Variants in ARFGAP3 observed in about 807,000 individuals in gnomAD.
ARFGAP3 encodes ARF GTPase activating protein 3.
Under a neutral mutation model 75.0 loss-of-function variants are expected in ARFGAP3, and 72 were observed. The observed-to-expected ratio is 0.96, with a 90% CI of 0.79 to 1.17. The LOEUF (loss-of-function observed/expected upper bound fraction) is 1.17, where lower values mean the gene tolerates loss of function less well. Ranked by LOEUF, ARFGAP3 falls within the 50% of genes most tolerant of loss-of-function variation. The probability of loss-of-function intolerance (pLI) is 0.00; values close to 1 mark genes in which losing one functional copy is unlikely to be tolerated. For synonymous variants in ARFGAP3, 221 were observed against 217.9 expected, an observed-to-expected ratio of 1.01 and a Z score of -0.13; for missense variants, 620 against 626.6, an observed-to-expected ratio of 0.99 and a Z score of 0.11.
chr22:42,797,604 T>A lies in ARFGAP3; in HGVS notation c.1535A>T (p.Asp512Val). Reference protein sequence around the residue: ...FANGVVTSIQDRYGS With the variant: ...FANGVVTSIQVRYGS ...ACTTCAGTATTAAGAACCGTAGCGATCCTGAAGAGAGAACCAAAATGGAAG... is the reference window on the plus strand; with the variant it reads ...ACTTCAGTATTAAGAACCGTAGCGAACCTGAAGAGAGAACCAAAATGGAAG... The change falls in exon 16 of 16, where the codon GAT becomes GTT. Residue 512 changes from aspartate (D) to valine (V), a missense_variant and splice_region_variant. Asp to Val is a radical substitution (Grantham distance 152). Transcript: ENST00000263245. 1 of 1,614,062 alleles carries A rather than the reference T, an allele frequency of 6.2e-7. No individual in the cohort carries two copies. Among genetic ancestry groups the A allele is most frequent in the Non-Finnish European group, 8.5e-7 (1 of 1,179,964 alleles).
At chr22:42,848,394 G>A (rs1007701211) in intron 1 of ARFGAP3, among the ~76,000 whole-genome samples, 4 of 152,126 alleles carry the variant, frequency 2.6e-5, no homozygotes, top group Admixed American at 1.3e-4. Context: ...ATATTTAGTA[G>A]AGATGGGGTT....
rs541135255 is a variant in ARFGAP3, at chr22:42,826,221, C to G, written c.625+719G>C. Among the ~76,000 whole-genome samples, 3 of 152,178 alleles carry G rather than the reference C, an allele frequency of 2.0e-5. No homozygotes were observed. The East Asian group carries it at 5.8e-4, about 29-fold the overall frequency. On this transcript the variant is annotated intron_variant, in intron 7 of 15. Transcript: ENST00000263245. Reference sequence around the variant, plus strand: ...ATAATGAAAAATTTAAGATTAAGTTCACCTATAATAAAATCAGAAAGAGAA... The same window carrying G: ...ATAATGAAAAATTTAAGATTAAGTTGACCTATAATAAAATCAGAAAGAGAA...
chr22:42,830,766 T>G (rs900864686), intron 6 of ARFGAP3, among the ~76,000 whole-genome samples: 3 of 152,216 alleles, frequency 2.0e-5, no homozygotes, highest in Admixed American at 1.3e-4. Context: ...TAAATTGAAA[T>G]TTTGTTTTTG....
chr22:42,853,220 T>A (rs1927357334), intron 1 of ARFGAP3, among the ~76,000 whole-genome samples: 1 of 152,230 alleles, frequency 6.6e-6, no homozygotes, highest in Admixed American at 6.5e-5. Context: ...TGTGCCCAAG[T>A]TAGAATTATA....
At chr22:42,814,301 T>G (rs919106612) in intron 11 of ARFGAP3, among the ~76,000 whole-genome samples, 1 of 152,276 alleles carries the variant, frequency 6.6e-6, no homozygotes, top group East Asian at 1.9e-4. Flanking sequence ...TCAGAGTCCA[T>G]GTTTATTTTA....
chr22:42,854,156 A>G (rs1927398444), intron 1 of ARFGAP3, among the ~76,000 whole-genome samples: 1 of 152,202 alleles, frequency 6.6e-6, no homozygotes, highest in Non-Finnish European at 1.5e-5. Context: ...TCATCTGTCC[A>G]CTAGACTATA....
chr22:42,799,556 C>T (rs563431383), intron 14 of ARFGAP3, among the ~76,000 whole-genome samples: 2 of 152,320 alleles, frequency 1.3e-5, no homozygotes, highest in South Asian at 2.1e-4. Flanking sequence ...ATCACCTCCT[C>T]CCTCTTTTGG....
At chr22:42,809,095 C>CG (rs1925253010) in intron 12 of ARFGAP3, 1 of 275,920 alleles carries the variant, frequency 3.6e-6, no homozygotes, top group Admixed American at 6.5e-5. Flanking sequence ...CTGTTTAAAA[C>CG]GGGGTCTGTT....
In ARFGAP3 at chr22:42,806,947, T is replaced by C. The variant is rs914272144; in HGVS notation, c.1411+126A>G. 49 of 957,008 alleles carry C rather than the reference T, an allele frequency of 5.1e-5. 1 individual carries two copies. In the South Asian group the frequency reaches 9.0e-4, roughly 17 times the overall value. The allele number at this position is 957,008 out of a possible 1,614,324, so 59.3% of individuals were successfully genotyped here. A position where few individuals can be genotyped will look rare whatever the true frequency, so the allele number is the denominator to read the frequency against. On this transcript the variant is annotated intron_variant, in intron 14 of 15. Transcript: ENST00000263245. ...AGTAACTTCTGCTCTACCTGACTTA[T>C]AGCAGAGATCAGAGCATCGAATAAT...
At chr22:42,843,415 C>T (rs1926872718) in intron 2 of ARFGAP3, among the ~76,000 whole-genome samples, 1 of 151,998 alleles carries the variant, frequency 6.6e-6, no homozygotes, top group African/African-American at 2.4e-5. Context: ...TTTTTGTTGT[C>T]GTAGAGATGA....
At chr22:42,849,986 G>T (rs754617944) in intron 1 of ARFGAP3, among the ~76,000 whole-genome samples, 13 of 152,060 alleles carry the variant, frequency 8.5e-5, no homozygotes, top group Non-Finnish European at 1.6e-4. Flanking sequence ...GCTTACCCAT[G>T]GTAAGCATTC....
intron 11 of ARFGAP3, among the ~76,000 whole-genome samples, chr22:42,816,801 G>C (rs1340796156): frequency 6.6e-6 from 1 of 152,190 alleles, no homozygotes; most frequent in Non-Finnish European, 1.5e-5. Flanking sequence ...CCCTGAGAAA[G>C]AGCTGTGAAA....
chr22:42,797,648 C>T (rs1206758843), intron 15 of ARFGAP3, 43 bp from the exon 16 acceptor site: 5 of 1,613,906 alleles, frequency 3.1e-6, no homozygotes, highest in African/African-American at 1.3e-5. Context: ...CATTCAGCAG[C>T]GATCCCTGAC....
chr22:42,855,856 C>T (rs1410343713), intron 1 of ARFGAP3, among the ~76,000 whole-genome samples: 1 of 137,050 alleles, frequency 7.3e-6, no homozygotes. Context: ...CCTGTCTCTA[C>T]AAAAATTAAT....
In ARFGAP3 at chr22:42,817,622, T is replaced by C. The variant is rs1181048464; in HGVS notation, c.941+107A>G. The C allele has an allele frequency of 3.2e-6, 3 of 943,054 alleles. No individual in the cohort carries two copies. The Admixed American group carries it at 8.2e-5, about 26-fold the overall frequency. The allele number at this position is 943,054 out of a possible 1,614,324, so 58.4% of individuals were successfully genotyped here. A position where few individuals can be genotyped will look rare whatever the true frequency, so the allele number is the denominator to read the frequency against. The stretch of plus-strand genomic sequence containing the variant: ...AAAAATAATTAGAGAAGTTAATGAA[T>C]AACAAAAAAAAATCTCTAAAGTTGA... On this transcript the variant is annotated intron_variant, in intron 10 of 15. Coordinates refer to ENST00000263245, the MANE Select transcript of ARFGAP3 (RefSeq NM_014570.5).
At chr22:42,846,210 G>A (rs980334330) in intron 2 of ARFGAP3, among the ~76,000 whole-genome samples, 9 of 152,148 alleles carry the variant, frequency 5.9e-5, no homozygotes, top group African/African-American at 2.2e-4. Context: ...TCCTTCCCTA[G>A]AAAAGATGGA....
At chr22:42,820,847 G>A (rs1221032938) in intron 9 of ARFGAP3, among the ~76,000 whole-genome samples, 3 of 151,996 alleles carry the variant, frequency 2.0e-5, no homozygotes, top group East Asian at 1.9e-4. Flanking sequence ...AAAAGTCTAC[G>A]GAAAACCGAT....
intron 1 of ARFGAP3, among the ~76,000 whole-genome samples, chr22:42,852,399 G>A (rs184422622): frequency 1.3e-5 from 2 of 151,374 alleles, no homozygotes; most frequent in African/African-American, 4.9e-5. Flanking sequence ...TCGCTCTGTC[G>A]CCCACTCTTG....
At chr22:42,855,145 C>A (rs1302005638) in intron 1 of ARFGAP3, among the ~76,000 whole-genome samples, 1 of 152,218 alleles carries the variant, frequency 6.6e-6, no homozygotes, top group East Asian at 1.9e-4. Flanking sequence ...GGTCAAGTAA[C>A]CTGTCCAAGG....
Sources: allele counts gnomAD v4.1 joint callset (sites outside exome capture counted in the v4.1 genomes callset), GRCh38; gene constraint gnomAD v4.1.1; transcripts MANE v1.5; gene names NCBI Gene and HGNC (gene_info 2026-07-23, HGNC 2026-07-21).